The following IGSF3 variants were observed in gnomAD, a reference collection of about 807,000 sequenced individuals.
The protein encoded by IGSF3 is immunoglobulin superfamily member 3, also known as glu-Trp-Ile EWI motif-containing protein 3.
IGSF3 carries 23 observed loss-of-function variants against 114.4 expected under a neutral mutation model. The observed-to-expected ratio is 0.20, with a 90% CI of 0.14 to 0.28. The LOEUF (loss-of-function observed/expected upper bound fraction) is 0.28, where lower values mean the gene tolerates loss of function less well. Ranked by LOEUF, IGSF3 falls within the 10% of genes least tolerant of loss-of-function variation. The pLI is 1.00. For missense variants in IGSF3, 1,172 were observed against 1,591.5 expected, an observed-to-expected ratio of 0.74 and a Z score of 4.48; for synonymous variants, 571 against 645.2, an observed-to-expected ratio of 0.88 and a Z score of 1.74.
chr1:116,647,910 C>A lies in IGSF3; in HGVS notation c.43+18374G>T, dbSNP rs1466843559. ...CCTGAGGTCAGGAGTTCAAGACCAGCCTGGCCAACATGAAGAAACCCCATC... is the reference window on the plus strand; with the variant it reads ...CCTGAGGTCAGGAGTTCAAGACCAGACTGGCCAACATGAAGAAACCCCATC... On this transcript the variant is annotated intron_variant, in intron 2 of 10. Transcript: ENST00000369486. The surrounding 1 kb of genome is among the most constrained non-coding windows in gnomAD (Gnocchi z 4.6). Among the ~76,000 whole-genome samples the A allele has an allele frequency of 3.3e-5, 5 of 152,172 alleles. No homozygotes were observed. Among genetic ancestry groups the A allele is most frequent in the Admixed American group, 3.3e-4 (5 of 15,278 alleles).
chr1:116,655,846 A>C lies in IGSF3; in HGVS notation c.43+10438T>G, dbSNP rs924194715. Among the ~76,000 whole-genome samples the C allele has an allele frequency of 2.0e-5, 3 of 152,346 alleles. No individual in the cohort carries two copies. Among genetic ancestry groups the C allele is most frequent in the African/African-American group, 7.2e-5 (3 of 41,588 alleles). ...AAATACGAACGTGCTTAATTTGATG[A>C]ATTTATGTATTTTTTGAAGAAAATA... On this transcript the variant is annotated intron_variant, in intron 2 of 10. Transcript: ENST00000369486. The surrounding 1 kb of genome is among the most constrained non-coding windows in gnomAD (Gnocchi z 4.3).
chr1:116,629,362 G>C lies in IGSF3; in HGVS notation c.44-12905C>G, dbSNP rs1647454417. Among the ~76,000 whole-genome samples, 1 of 152,154 alleles carries C rather than the reference G, an allele frequency of 6.6e-6. No homozygotes were observed. The highest frequency in any genetic ancestry group is 2.1e-4 in the South Asian group (1 of 4,830). ...ATTTAAAAAACGCTAAAGGGAGGTG[G>C]GGTAATAAGGGATTGTTTTTTCTTT... On this transcript the variant is annotated intron_variant, in intron 2 of 10. Coordinates refer to ENST00000369486, the MANE Select transcript of IGSF3 (RefSeq NM_001007237.3). The surrounding 1 kb of genome is among the most constrained non-coding windows in gnomAD (Gnocchi z 4.3).
rs1432736370 is a variant in IGSF3 at position 116,592,711 on chromosome 1, G to A, written c.2030-3607C>T. 4.6e-5 allele frequency among the ~76,000 whole-genome samples: 7 copies of A among 152,080 alleles called. No homozygotes were observed. Among genetic ancestry groups the A allele is most frequent in the Non-Finnish European group, 5.9e-5 (4 of 68,028 alleles). ...TTTCTTCAATAAAGGATTCCCTTACGCTCTACTATAGCTGTGTTACTGCTG... is the reference window on the plus strand; with the variant it reads ...TTTCTTCAATAAAGGATTCCCTTACACTCTACTATAGCTGTGTTACTGCTG... On this transcript the variant is annotated intron_variant, in intron 7 of 10. Coordinates refer to ENST00000369486, the MANE Select transcript of IGSF3 (RefSeq NM_001007237.3). The surrounding 1 kb of genome is among the most constrained non-coding windows in gnomAD (Gnocchi z 4.5).
intron 2 of IGSF3, among the ~76,000 whole-genome samples, chr1:116,646,277 C>G (rs909726447): frequency 2.0e-5 from 3 of 152,126 alleles, no homozygotes; most frequent in Non-Finnish European, 2.9e-5. Context: ...ACAGACAGAG[C>G]CTTCTTTTGT....
chr1:116,602,704 G>C (rs769052521), intron 6 of IGSF3, among the ~76,000 whole-genome samples: 23 of 152,226 alleles, frequency 1.5e-4, no homozygotes, highest in Admixed American at 5.9e-4. Flanking sequence ...TGGTGACACA[G>C]TCCCAGGGAG....
Position 116,616,750 on chromosome 1 carries a change from ATAT to A in IGSF3, c.44-296_44-294del, listed in dbSNP as rs1437941690. Among the ~76,000 whole-genome samples, 7 of 152,332 alleles carry A rather than the reference ATAT, an allele frequency of 4.6e-5. No individual in the cohort carries two copies. The highest frequency in any genetic ancestry group is 1.7e-4 in the African/African-American group (7 of 41,570). On this transcript the variant is annotated intron_variant, in intron 2 of 10. Coordinates refer to ENST00000369486, the MANE Select transcript of IGSF3 (RefSeq NM_001007237.3). The surrounding 1 kb of genome is among the most constrained non-coding windows in gnomAD (Gnocchi z 6.6). ...CATTTAGCCCCTCTGTTTGTCATTT[ATAT>A]GGCAGTTTTATATCTATTTATTAAT...
intron 2 of IGSF3, among the ~76,000 whole-genome samples, chr1:116,623,640 C>T (rs1032952137): frequency 6.6e-6 from 1 of 151,614 alleles, no homozygotes; most frequent in African/African-American, 2.4e-5. Flanking sequence ...CCACTGCACT[C>T]CAGCCCATTC....
At chr1:116,611,067 T>C (rs1227933842) in intron 4 of IGSF3, among the ~76,000 whole-genome samples, 5 of 152,232 alleles carry the variant, frequency 3.3e-5, no homozygotes, top group Non-Finnish European at 7.3e-5. Context: ...CTTTTGCCTC[T>C]GGCACCCACT....
rs1660779221 is a variant in IGSF3 at position 116,605,982 on chromosome 1, G to A, written c.1223-1957C>T. ...ACATAGTTAGAATGTGGGGCTACAAGAAGAAATGCTATTTTATTATAGCAG... is the reference window on the plus strand; with the variant it reads ...ACATAGTTAGAATGTGGGGCTACAAAAAGAAATGCTATTTTATTATAGCAG... On this transcript the variant is annotated intron_variant, in intron 5 of 10. Coordinates refer to ENST00000369486, the MANE Select transcript of IGSF3 (RefSeq NM_001007237.3). The surrounding 1 kb of genome is among the most constrained non-coding windows in gnomAD (Gnocchi z 5.1). Among the ~76,000 whole-genome samples, 1 of 152,188 alleles carries A rather than the reference G, an allele frequency of 6.6e-6. No individual in the cohort carries two copies. Among genetic ancestry groups the A allele is most frequent in the South Asian group, 2.1e-4 (1 of 4,832 alleles).
Position 116,579,797 on chromosome 1 carries a change from C to G in IGSF3, c.2929G>C (p.Val977Leu). Residue 977 changes from valine (V) to leucine (L), a missense_variant, in exon 10 of 11, where the codon GTG (valine) becomes CTG (leucine). Coordinates refer to ENST00000369486, the MANE Select transcript of IGSF3 (RefSeq NM_001007237.3). The surrounding 1 kb of genome is among the most constrained non-coding windows in gnomAD (Gnocchi z 6.4). ...CGGGAGTCCTGGCTGGAGCGGGACA[C>G]GATGCTACAGTCCAGCTGGAAAGCT... is the stretch of plus-strand genomic sequence containing the variant. Reference protein sequence around the residue: ...KAAFQLDCSIVSRSSQDSRFA... With the variant: ...KAAFQLDCSILSRSSQDSRFA... 1 of 1,614,004 alleles carries G rather than the reference C, an allele frequency of 6.2e-7. No homozygotes were observed. The highest frequency in any genetic ancestry group is 8.5e-7 in the Non-Finnish European group (1 of 1,180,022).
Position 116,582,660 on chromosome 1 carries a change from G to T in IGSF3, c.2848+1985C>A, listed in dbSNP as rs1168886360. ...TGAAACCAGTAAAAATGGTGGCTATGAAATGCTTTCACAGACATGGGAAAA... is the reference window on the plus strand; with the variant it reads ...TGAAACCAGTAAAAATGGTGGCTATTAAATGCTTTCACAGACATGGGAAAA... On this transcript the variant is annotated intron_variant, in intron 9 of 10. Coordinates refer to ENST00000369486, the MANE Select transcript of IGSF3 (RefSeq NM_001007237.3). This position sits in a 1 kb window ranked among gnomAD's most constrained non-coding sequence, Gnocchi z 4.7. Among the ~76,000 whole-genome samples, 1 of 152,158 alleles carries T rather than the reference G, an allele frequency of 6.6e-6. No homozygotes were observed. The highest frequency in any genetic ancestry group is 1.5e-5 in the Non-Finnish European group (1 of 68,028).
rs924815441 is a variant in IGSF3 at position 116,575,345 on chromosome 1, G to A, written c.*1967C>T. On this transcript the variant is annotated 3_prime_UTR_variant, in exon 11 of 11. Transcript: ENST00000369486. The surrounding 1 kb of genome is among the most constrained non-coding windows in gnomAD (Gnocchi z 5.6). ...TAAGGTGGTGGTGCCTGCACACACT[G>A]TCTCACAGGAGGGTACGGTATACTT... is the stretch of plus-strand genomic sequence containing the variant. 2 of 152,682 alleles carry A rather than the reference G, an allele frequency of 1.3e-5. No homozygotes were observed. Among genetic ancestry groups the A allele is most frequent in the African/African-American group, 2.4e-5 (1 of 41,452 alleles). 9.5% of individuals were successfully genotyped at this position (152,682 alleles called of 1,614,324 possible).
At chr1:116,666,026 G>A (rs1015366277) in intron 2 of IGSF3, among the ~76,000 whole-genome samples, 1 of 152,142 alleles carries the variant, frequency 6.6e-6, no homozygotes, top group Non-Finnish European at 1.5e-5. Flanking sequence ...TGCAGATGCA[G>A]GACCTCACCC....
At position 116,599,391 on chromosome 1, in the gene IGSF3, T is replaced by TACACACAC. The variant is rs35774720; in HGVS notation, c.2029+542_2029+549dup. ...GTCCATGTCTACAGACACATACATA[T>TACACACAC]ACACACACACACACACACACACACA... On this transcript the variant is annotated intron_variant, in intron 7 of 10. Transcript: ENST00000369486. Among the ~76,000 whole-genome samples the TACACACAC allele has an allele frequency of 5.5e-3, 810 of 148,226 alleles. 6 individuals are homozygous for TACACACAC. Among genetic ancestry groups the TACACACAC allele is most frequent in the African/African-American group, 0.019 (760 of 40,732 alleles).
In IGSF3 at chr1:116,666,439, T is replaced by C; in HGVS notation, c.-113A>G. On this transcript the variant is annotated 5_prime_UTR_variant, in exon 2 of 11. Transcript: ENST00000369486. ...CAGAGAACAGTTTTGGAAATAGAACTTAACTCGGAAAATGGGAACAGATTA... is the reference window on the plus strand; with the variant it reads ...CAGAGAACAGTTTTGGAAATAGAACCTAACTCGGAAAATGGGAACAGATTA... 1 of 973,716 alleles carries C rather than the reference T, an allele frequency of 1.0e-6. No homozygotes were observed. The highest frequency in any genetic ancestry group is 1.6e-5 in the African/African-American group (1 of 62,224). 60.3% of individuals were successfully genotyped at this position (973,716 alleles called of 1,614,324 possible).
chr1:116,609,522 G>A (rs377100327), intron 4 of IGSF3, among the ~76,000 whole-genome samples: 4 of 152,092 alleles, frequency 2.6e-5, no homozygotes, highest in Admixed American at 1.3e-4. Flanking sequence ...GACAGCTATC[G>A]TATCTCATAG....
chr1:116,607,938 T>A lies in IGSF3; in HGVS notation c.1222+4A>T, dbSNP rs1660854053. The A allele has an allele frequency of 6.2e-7, 1 of 1,613,224 alleles. No homozygotes were observed. The highest frequency in any genetic ancestry group is 8.5e-7 in the Non-Finnish European group (1 of 1,179,388). On this transcript the variant is annotated splice_donor_region_variant and intron_variant, in intron 5 of 10. Coordinates refer to ENST00000369486, the MANE Select transcript of IGSF3 (RefSeq NM_001007237.3). The surrounding 1 kb of genome is among the most constrained non-coding windows in gnomAD (Gnocchi z 6.1). Reference sequence around the variant, plus strand: ...AGAAGAAAGCAGCACATCTCTCTACTTACTGAGGGGGAGGACTATGATGGG... The same window carrying A: ...AGAAGAAAGCAGCACATCTCTCTACATACTGAGGGGGAGGACTATGATGGG...
intron 2 of IGSF3, among the ~76,000 whole-genome samples, chr1:116,658,532 T>C (rs1470735866): frequency 6.6e-6 from 1 of 152,012 alleles, no homozygotes; most frequent in Non-Finnish European, 1.5e-5. Context: ...AGATACCCAG[T>C]CCTCATGGCA....
rs955294408 is a variant in IGSF3, at chr1:116,666,487, G to A, written c.-161C>T. ...TTAAAAAGAAGAGATCAGAAGGAGG[G>A]AGTTGGGGGGAAGGGGAGGAGTGGA... On this transcript the variant is annotated 5_prime_UTR_variant, in exon 2 of 11. Coordinates refer to ENST00000369486, the MANE Select transcript of IGSF3 (RefSeq NM_001007237.3). 2 of 689,672 alleles carry A rather than the reference G, an allele frequency of 2.9e-6. No individual in the cohort carries two copies. Among genetic ancestry groups the A allele is most frequent in the Admixed American group, 2.5e-5 (1 of 39,886 alleles). The allele number at this position is 689,672 out of a possible 1,614,324, so 42.7% of individuals were successfully genotyped here.
Sources: gnomAD v4.1 joint callset for allele counts (sites outside exome capture counted in the v4.1 genomes callset) on GRCh38, gnomAD v4.1.1 for gene constraint, Gnocchi (gnomAD v3.1) non-coding constraint, MANE v1.5 for transcripts, NCBI Gene and HGNC (gene_info 2026-07-23, HGNC 2026-07-21) for gene names.